The following GRID2 variants were observed in gnomAD, a reference collection of about 807,000 sequenced individuals.
The protein encoded by GRID2 is glutamate ionotropic receptor delta type subunit 2, also known as glutamate receptor ionotropic, delta-2.
GRID2 carries 33 observed loss-of-function variants against 114.8 expected under a neutral mutation model. The observed-to-expected ratio is 0.29, with a 90% CI of 0.22 to 0.38. The LOEUF (loss-of-function observed/expected upper bound fraction) is 0.38, where lower values mean the gene tolerates loss of function less well. Among genes scored for constraint, GRID2 ranks in the 10% least tolerant of loss-of-function variants. GRID2 has a pLI of 1.00. For missense variants in GRID2, 1,184 were observed against 1,257.7 expected (o/e 0.94, Z 0.89); for synonymous variants, 505 against 449.9 (o/e 1.12, Z -1.55).
chr4:92,591,479 A>T (rs1728703684), intron 2 of GRID2, among the ~76,000 whole-genome samples: 1 of 152,222 alleles, frequency 6.6e-6, no homozygotes, highest in African/African-American at 2.4e-5. Context: ...AGTCAAATAA[A>T]ACATTTGCCT....
intron 1 of GRID2, among the ~76,000 whole-genome samples, chr4:92,469,169 C>A (rs1721899505): frequency 6.6e-6 from 1 of 152,118 alleles, no homozygotes; most frequent in South Asian, 2.1e-4. Context: ...AGGAAAACTC[C>A]TTATCAAAGA....
intron 1 of GRID2, among the ~76,000 whole-genome samples, chr4:92,388,605 G>A (rs28566469): frequency 0.022 from 3,343 of 152,000 alleles, 127 homozygotes; most frequent in African/African-American, 0.077. Context: ...ATTGTTTTCC[G>A]AGACTGGTTC....
chr4:92,336,747 A>C (rs925590207), intron 1 of GRID2, among the ~76,000 whole-genome samples: 6 of 151,996 alleles, frequency 3.9e-5, no homozygotes, highest in African/African-American at 1.4e-4. Flanking sequence ...CTACCTCCTC[A>C]CCAACCATTG....
chr4:93,017,672 G>A (rs1385677764), intron 2 of GRID2, among the ~76,000 whole-genome samples: 2 of 151,774 alleles, frequency 1.3e-5, no homozygotes, highest in Non-Finnish European at 2.9e-5. Context: ...CAGGCATGGT[G>A]TTAGGCGCTT....
At chr4:92,803,957 C>G (rs1740292244) in intron 2 of GRID2, among the ~76,000 whole-genome samples, 1 of 151,954 alleles carries the variant, frequency 6.6e-6, no homozygotes, top group African/African-American at 2.4e-5. Flanking sequence ...CTTCTGGTAG[C>G]CCCTAGCATT....
rs986452422 is a variant in GRID2, at chr4:92,742,017, T to G, written c.244+151731T>G. On this transcript the variant is annotated intron_variant, in intron 2 of 15. Transcript: ENST00000282020. ...ATGTTACTGTAGGGTGTTTCATAAT[T>G]TTTATGAAAGTAATTCAAGAAATGT... Among the ~76,000 whole-genome samples the G allele has an allele frequency of 2.1e-4, 32 of 152,202 alleles. 1 individual carries two copies. The highest frequency in any genetic ancestry group is 4.4e-5 in the Non-Finnish European group (3 of 68,020).
chr4:93,259,781 C>T (rs925992038), intron 8 of GRID2, among the ~76,000 whole-genome samples: 11 of 151,684 alleles, frequency 7.3e-5, no homozygotes, highest in African/African-American at 2.7e-4. Flanking sequence ...ACATACATAT[C>T]ATCATTCACC....
chr4:92,913,887 A>G (rs973454383), intron 2 of GRID2, among the ~76,000 whole-genome samples: 4 of 152,086 alleles, frequency 2.6e-5, no homozygotes, highest in Non-Finnish European at 2.9e-5. Flanking sequence ...ATTTTTTCAA[A>G]CATTCATTAG....
intron 9 of GRID2, among the ~76,000 whole-genome samples, chr4:93,399,427 G>C (rs866800090): frequency 6.6e-6 from 1 of 152,050 alleles, no homozygotes; most frequent in East Asian, 1.9e-4. Context: ...GCACTCTACT[G>C]TTTGTGATCC....
At chr4:93,624,794 T>C (rs1303699316) in intron 13 of GRID2, among the ~76,000 whole-genome samples, 1 of 152,192 alleles carries the variant, frequency 6.6e-6, no homozygotes, top group Non-Finnish European at 1.5e-5. Context: ...ATATACCTTA[T>C]TGAGATGTTT....
chr4:93,550,791 A>G (rs1733681235), intron 13 of GRID2, among the ~76,000 whole-genome samples: 2 of 152,248 alleles, frequency 1.3e-5, no homozygotes, highest in Non-Finnish European at 2.9e-5. Context: ...TAATAATGCT[A>G]ATATTATGAA....
At chr4:93,363,313 T>C (rs1762044451) in intron 8 of GRID2, among the ~76,000 whole-genome samples, 1 of 152,280 alleles carries the variant, frequency 6.6e-6, no homozygotes, top group Admixed American at 6.5e-5. Context: ...TGCCTCTTTG[T>C]CCTTGGAGGA....
At position 92,416,418 on chromosome 4, in the gene GRID2, C is replaced by T. The variant is rs921879133; in HGVS notation, c.88+111674C>T. ...AAACTTTTTAGTTGATTAGGTCCCC[C>T]GAATTTATCTTTGTTTCTGCTGCGT... On this transcript the variant is annotated intron_variant, in intron 1 of 15. Coordinates refer to ENST00000282020, the MANE Select transcript of GRID2 (RefSeq NM_001510.4). Among the ~76,000 whole-genome samples, 12 of 152,104 alleles carry T rather than the reference C, an allele frequency of 7.9e-5. No homozygotes were observed. The South Asian group carries it at 1.7e-3, about 21-fold the overall frequency.
chr4:93,065,035 C>T (rs918802940), intron 2 of GRID2, among the ~76,000 whole-genome samples: 5 of 151,692 alleles, frequency 3.3e-5, no homozygotes, highest in South Asian at 2.1e-4. Flanking sequence ...TTGAGGCTAT[C>T]GTGTTTTTGT....
intron 4 of GRID2, among the ~76,000 whole-genome samples, chr4:93,189,452 C>G (rs986016299): frequency 6.6e-6 from 1 of 152,116 alleles, no homozygotes; most frequent in Non-Finnish European, 1.5e-5. Context: ...ATGACCTAAT[C>G]ACTTCCCAAA....
At chr4:92,358,304 C>T (rs1457767910) in intron 1 of GRID2, among the ~76,000 whole-genome samples, 1 of 151,870 alleles carries the variant, frequency 6.6e-6, no homozygotes, top group Non-Finnish European at 1.5e-5. Flanking sequence ...TCTGATCGGA[C>T]ATACTATATA....
chr4:93,184,944 A>G (rs1740266411), intron 4 of GRID2, among the ~76,000 whole-genome samples: 1 of 152,190 alleles, frequency 6.6e-6, no homozygotes, highest in Non-Finnish European at 1.5e-5. Flanking sequence ...TGTAGTTACT[A>G]TAATGTGCCT....
intron 2 of GRID2, among the ~76,000 whole-genome samples, chr4:93,028,237 A>G (rs1254490104): frequency 6.6e-6 from 1 of 152,216 alleles, no homozygotes; most frequent in Admixed American, 6.6e-5. Context: ...GATAAAAGCT[A>G]GTCAGGCACT....
At chr4:92,949,373 C>A (rs1419050898) in intron 2 of GRID2, among the ~76,000 whole-genome samples, 1 of 151,976 alleles carries the variant, frequency 6.6e-6, no homozygotes, top group East Asian at 1.9e-4. Flanking sequence ...AGGTTAGTTA[C>A]ATATGTATAC....
Sources: allele counts gnomAD v4.1 joint callset (sites outside exome capture counted in the v4.1 genomes callset), GRCh38; gene constraint gnomAD v4.1.1; transcripts MANE v1.5; gene names NCBI Gene and HGNC (gene_info 2026-07-23, HGNC 2026-07-21).